CELF4: variants seen among roughly 807,000 people sequenced by gnomAD.
CELF4 encodes the protein CUG-BP- and ETR-3-like factor 4.
Under a neutral mutation model 59.9 loss-of-function variants are expected in CELF4, and 18 were observed. That is an observed-to-expected ratio of 0.30 (90% CI 0.21 to 0.45). The LOEUF is 0.45. Among genes scored for constraint, CELF4 ranks in the 20% least tolerant of loss-of-function variants. The pLI is 1.00. For missense variants in CELF4, 456 were observed against 689.0 expected (o/e 0.66, Z 3.79); for synonymous variants, 261 against 267.1 (o/e 0.98, Z 0.22).
chr18:37,261,407 C>A (rs1371237854), intron 10 of CELF4, among the ~76,000 whole-genome samples: 2 of 152,224 alleles, frequency 1.3e-5, no homozygotes, highest in African/African-American at 4.8e-5. Context: ...GGAGCCTTCA[C>A]AGACAGGGCC....
intron 1 of CELF4, among the ~76,000 whole-genome samples, chr18:37,529,720 G>A (rs1176311319): frequency 6.6e-6 from 1 of 152,190 alleles, no homozygotes; most frequent in African/African-American, 2.4e-5. Context: ...TGGTAGGGGG[G>A]CAGGAACCTG....
chr18:37,288,031 A>G (rs1422986346), intron 3 of CELF4, among the ~76,000 whole-genome samples: 7 of 152,192 alleles, frequency 4.6e-5, no homozygotes, highest in Non-Finnish European at 1.0e-4. Flanking sequence ...CTGACTCTCA[A>G]AATAACAAGG....
intron 3 of CELF4, among the ~76,000 whole-genome samples, chr18:37,283,834 G>A (rs562272403): frequency 9.3e-6 from 1 of 107,418 alleles, no homozygotes; most frequent in East Asian, 3.1e-4. Flanking sequence ...AGAGGCAAGG[G>A]GTGGGCACTG....
chr18:37,551,092 A>G (rs1208655293), intron 1 of CELF4, among the ~76,000 whole-genome samples: 3 of 151,986 alleles, frequency 2.0e-5, no homozygotes, highest in Non-Finnish European at 4.4e-5. Context: ...TAGAGGCTGG[A>G]TGACTGGGAA....
chr18:37,246,324 C>T lies in CELF4; in HGVS notation c.*45-1127G>A, dbSNP rs879400338. ...AATAATAAAATTAAAAAACACTTGT[C>T]AAGGACCCTTTTTCAGTTGTAAACA... On this transcript the variant is annotated intron_variant, in intron 12 of 12. Coordinates refer to ENST00000420428, the MANE Select transcript of CELF4 (RefSeq NM_020180.4). This position sits in a 1 kb window ranked among gnomAD's most constrained non-coding sequence, Gnocchi z 5.3. 6.6e-6 allele frequency among the ~76,000 whole-genome samples: 1 copy of T among 152,130 alleles called. No homozygotes were observed. Among genetic ancestry groups the T allele is most frequent in the African/African-American group, 2.4e-5 (1 of 41,418 alleles).
rs767546375 is a variant in CELF4 at position 37,274,377 on chromosome 18, A to G, written c.735T>C (p.Ala245=). Residue 245 remains alanine, a synonymous_variant, in exon 6 of 13, where the codon GCT becomes GCC. Transcript: ENST00000420428. ...TGGGGTTGAACATGCCCATCTGGCCAGCCATCTGCTGCATTCGCCGCATCG... is the reference window on the plus strand; with the variant it reads ...TGGGGTTGAACATGCCCATCTGGCCGGCCATCTGCTGCATTCGCCGCATCG... ...ERTMRRMQQM[A]GQMGMFNPMA... is the part of the protein sequence containing the mutation. 3 of 1,613,394 alleles carry G rather than the reference A, an allele frequency of 1.9e-6. No homozygotes were observed. The highest frequency in any genetic ancestry group is 1.3e-5 in the African/African-American group (1 of 74,896).
intron 3 of CELF4, among the ~76,000 whole-genome samples, chr18:37,300,758 G>A (rs1361115379): frequency 6.6e-6 from 1 of 152,246 alleles, no homozygotes; most frequent in African/African-American, 2.4e-5. Flanking sequence ...GGAAGCAGAT[G>A]GAGGAGCTGG....
At chr18:37,284,028 A>AACATAC (rs2094484287) in intron 3 of CELF4, among the ~76,000 whole-genome samples, 4 of 10,358 alleles carry the variant, frequency 3.9e-4, no homozygotes, top group South Asian at 2.8e-3. Context: ...ACACACACCC[A>AACATAC]ACACACACAC....
chr18:37,524,314 G>A lies in CELF4; in HGVS notation c.287-38707C>T, dbSNP rs774286264. ...TGGGTGGTAGGATGAGGGTGACAAGGTGGAAGAAGGAAAATGGCCGATTTC... is the reference window on the plus strand; with the variant it reads ...TGGGTGGTAGGATGAGGGTGACAAGATGGAAGAAGGAAAATGGCCGATTTC... On this transcript the variant is annotated intron_variant, in intron 1 of 12. Coordinates refer to ENST00000420428, the MANE Select transcript of CELF4 (RefSeq NM_020180.4). 2.4e-4 allele frequency among the ~76,000 whole-genome samples: 37 copies of A among 152,186 alleles called. 1 individual carries two copies. The highest frequency in any genetic ancestry group is 2.5e-4 in the Non-Finnish European group (17 of 68,040).
chr18:37,431,117 C>A (rs542504366), intron 2 of CELF4, among the ~76,000 whole-genome samples: 207 of 152,234 alleles, frequency 1.4e-3, no homozygotes, highest in African/African-American at 4.4e-3. Flanking sequence ...GGCCGCTGAG[C>A]CCTCCTTGCT....
intron 2 of CELF4, among the ~76,000 whole-genome samples, chr18:37,374,733 G>C (rs944934875): frequency 6.6e-6 from 1 of 152,172 alleles, no homozygotes; most frequent in African/African-American, 2.4e-5. Context: ...CCATGGAAGG[G>C]AGGCACAGAG....
At chr18:37,380,174 A>G (rs996027647) in intron 2 of CELF4, among the ~76,000 whole-genome samples, 1 of 152,112 alleles carries the variant, frequency 6.6e-6, no homozygotes, top group African/African-American at 2.4e-5. Flanking sequence ...AGATGCAGAG[A>G]GAAGTTCACC....
Position 37,528,816 on chromosome 18 carries a change from C to A in CELF4, c.286+36540G>T, listed in dbSNP as rs560756544. On this transcript the variant is annotated intron_variant, in intron 1 of 12. Transcript: ENST00000420428. Reference sequence around the variant, plus strand: ...TACTAATAATTGAAAAACCTCAACACCACAGTCTCCTAGTTCAGCAGCATT... The same window carrying A: ...TACTAATAATTGAAAAACCTCAACAACACAGTCTCCTAGTTCAGCAGCATT... Among the ~76,000 whole-genome samples, 39 of 152,256 alleles carry A rather than the reference C, an allele frequency of 2.6e-4. 1 individual carries two copies. In the South Asian group the frequency reaches 8.1e-3, roughly 32 times the overall value.
intron 2 of CELF4, among the ~76,000 whole-genome samples, chr18:37,409,510 C>T (rs1281696139): frequency 6.6e-6 from 1 of 152,174 alleles, no homozygotes; most frequent in East Asian, 1.9e-4. Flanking sequence ...CTGCTCATCC[C>T]TTGTGTATCT....
intron 2 of CELF4, among the ~76,000 whole-genome samples, chr18:37,393,473 T>C (rs2099192149): frequency 6.6e-6 from 1 of 152,208 alleles, no homozygotes; most frequent in Non-Finnish European, 1.5e-5. Flanking sequence ...AGCAGCCCTT[T>C]GGACACTTGG....
At position 37,275,467 on chromosome 18, in the gene CELF4, C is replaced by T. The variant is rs12456272; in HGVS notation, c.449-224G>A. On this transcript the variant is annotated intron_variant, in intron 3 of 12. Transcript: ENST00000420428. Reference sequence around the variant, plus strand: ...TAGGTGGGGTAGGAGCGCACAGTCGCGGGACAGGTGCGGAGAGAGCTGTGG... The same window carrying T: ...TAGGTGGGGTAGGAGCGCACAGTCGTGGGACAGGTGCGGAGAGAGCTGTGG... 6.9e-3 allele frequency among the ~76,000 whole-genome samples: 1,056 copies of T among 152,072 alleles called. 39 individuals carry two copies. Among genetic ancestry groups the T allele is most frequent in the Admixed American group, 0.065 (990 of 15,268 alleles).
At chr18:37,564,740 C>A (rs2099987624) in intron 1 of CELF4, among the ~76,000 whole-genome samples, 2 of 151,682 alleles carry the variant, frequency 1.3e-5, no homozygotes, top group Non-Finnish European at 2.9e-5. Context: ...AACATCCAAC[C>A]CCCCCACCCC....
At chr18:37,452,840 C>T (rs2099767822) in intron 2 of CELF4, among the ~76,000 whole-genome samples, 1 of 152,224 alleles carries the variant, frequency 6.6e-6, no homozygotes, top group Non-Finnish European at 1.5e-5. Context: ...ATAGCCACAT[C>T]TCTGGCTGAG....
intron 3 of CELF4, among the ~76,000 whole-genome samples, chr18:37,321,063 C>T (rs2097098761): frequency 1.3e-5 from 2 of 152,094 alleles, no homozygotes; most frequent in Admixed American, 6.5e-5. Context: ...AGGGTGGGCC[C>T]TGGTTAACCC....
Sources: gnomAD v4.1 joint callset for allele counts (sites outside exome capture counted in the v4.1 genomes callset) on GRCh38, gnomAD v4.1.1 for gene constraint, Gnocchi (gnomAD v3.1) non-coding constraint, MANE v1.5 for transcripts, NCBI Gene and HGNC (gene_info 2026-07-23, HGNC 2026-07-21) for gene names.